Variants in DBF4 observed in about 807,000 individuals in gnomAD.
DBF4 encodes protein DBF4 homolog A.
A neutral mutation model predicts 76.6 loss-of-function variants in DBF4; 25 were observed. That is an observed-to-expected ratio of 0.33 (90% CI 0.24 to 0.46). DBF4 has a LOEUF of 0.46. Ranked by LOEUF, DBF4 falls within the 20% of genes least tolerant of loss-of-function variation. The probability of loss-of-function intolerance (pLI) is 1.00; values close to 1 mark genes in which losing one functional copy is unlikely to be tolerated. For missense variants in DBF4, 638 were observed against 760.8 expected (o/e 0.84, Z 1.90); for synonymous variants, 213 against 258.0 (o/e 0.83, Z 1.67).
Position 87,907,725 on chromosome 7 carries a change from T to C in DBF4, c.1587T>C (p.His529=). ...KEKDLHSIFT[H]DSGLITINSS... ...AGGACCTTCATTCAATATTTACTCA[T>C]GATTCTGGTCTGATAACAATAAACA... is the stretch of plus-strand genomic sequence containing the variant. Residue 529 remains histidine (H), a synonymous_variant, in exon 12 of 12, where the codon CAT becomes CAC. Transcript: ENST00000265728. 6.2e-7 allele frequency: 1 copy of C among 1,614,120 alleles called. No homozygotes were observed. Among genetic ancestry groups the C allele is most frequent in the South Asian group, 1.1e-5 (1 of 91,078 alleles).
At chr7:87,876,905 T>C in intron 1 of DBF4, 127 bp downstream of exon 1, 1 of 1,004,394 alleles carries the variant, frequency 1.0e-6, no homozygotes, top group African/African-American at 1.6e-5. Flanking sequence ...CTCTGGGGTC[T>C]GAAGGAAGGA....
intron 8 of DBF4, among the ~76,000 whole-genome samples, chr7:87,899,156 A>G (rs779247171): frequency 2.7e-4 from 41 of 152,212 alleles, no homozygotes; most frequent in Non-Finnish European, 5.0e-4. Flanking sequence ...GAAAAGCTTC[A>G]TGACATTGGA....
At chr7:87,884,414 G>A (rs1417411490) in intron 2 of DBF4, among the ~76,000 whole-genome samples, 1 of 152,104 alleles carries the variant, frequency 6.6e-6, no homozygotes, top group African/African-American at 2.4e-5. Flanking sequence ...CATTTCAAAT[G>A]CTTTGGTAAG....
At chr7:87,877,928 T>A (rs1839110450) in intron 1 of DBF4, 125 bp from the exon 2 acceptor site, 1 of 800,664 alleles carries the variant, frequency 1.2e-6, no homozygotes, top group Non-Finnish European at 1.9e-6. Flanking sequence ...GAAATACATT[T>A]CAATGCTAAT....
chr7:87,876,587 A>G lies in DBF4; in HGVS notation c.-146A>G, dbSNP rs903279680. 8 of 854,086 alleles carry G rather than the reference A, an allele frequency of 9.4e-6. No individual in the cohort carries two copies. Among genetic ancestry groups the G allele is most frequent in the Non-Finnish European group, 1.5e-5 (8 of 543,332 alleles). 52.9% of individuals were successfully genotyped at this position (854,086 alleles called of 1,614,324 possible). A position where few individuals can be genotyped will look rare whatever the true frequency, so the allele number is the denominator to read the frequency against. ...CCGGCCCCGGAAACCCGACCTGCAG[A>G]CGCGGTACCTCTACTGCGTAGAGGC... On this transcript the variant is annotated 5_prime_UTR_variant, in exon 1 of 12. Coordinates refer to ENST00000265728, the MANE Select transcript of DBF4 (RefSeq NM_006716.4).
At chr7:87,903,014 T>C (rs1839826389) in intron 10 of DBF4, among the ~76,000 whole-genome samples, 1 of 152,322 alleles carries the variant, frequency 6.6e-6, no homozygotes, top group South Asian at 2.1e-4. Flanking sequence ...AGGAACTTTG[T>C]TTCCTGTGAA....
At chr7:87,887,284 C>T (rs756483323) in intron 4 of DBF4, 45 bp from the exon 5 acceptor site, 5 of 1,330,496 alleles carry the variant, frequency 3.8e-6, no homozygotes. Flanking sequence ...TTTAGCTCAT[C>T]TTAAATAATT....
At chr7:87,882,912 A>G (rs2131043608) in intron 2 of DBF4, among the ~76,000 whole-genome samples, 1 of 152,136 alleles carries the variant, frequency 6.6e-6, no homozygotes, top group South Asian at 2.1e-4. Context: ...TGAAAAAAGT[A>G]AAAAATTGAA....
intron 8 of DBF4, 45 bp downstream of exon 8, chr7:87,897,384 A>G (rs1267759047): frequency 6.4e-7 from 1 of 1,572,774 alleles, no homozygotes; most frequent in African/African-American, 1.4e-5. Flanking sequence ...GCAATACTAA[A>G]GAGGAAAATC....
chr7:87,906,863 C>T (rs897101714), intron 11 of DBF4, among the ~76,000 whole-genome samples: 1 of 152,098 alleles, frequency 6.6e-6, no homozygotes, highest in Admixed American at 6.6e-5. Context: ...AATCCCTTTA[C>T]TATCAATTTC....
At chr7:87,900,920 G>A in intron 10 of DBF4, 42 bp downstream of exon 10, 1 of 1,473,650 alleles carries the variant, frequency 6.8e-7, no homozygotes. Flanking sequence ...TTCGAAAACT[G>A]TAATACTTGT....
At chr7:87,897,696 CAG>C (rs1380141024) in intron 8 of DBF4, among the ~76,000 whole-genome samples, 1 of 152,166 alleles carries the variant, frequency 6.6e-6, no homozygotes, top group African/African-American at 2.4e-5. Flanking sequence ...TATTTAGAAA[CAG>C]AAAATCTAAG....
chr7:87,900,141 A>G (rs1839738530), intron 8 of DBF4, 80 bp from the exon 9 acceptor site: 2 of 1,193,472 alleles, frequency 1.7e-6, no homozygotes. Context: ...GCTTAATTAT[A>G]TGATTTTGAA....
At chr7:87,877,613 A>T (rs1419387362) in intron 1 of DBF4, among the ~76,000 whole-genome samples, 1 of 152,246 alleles carries the variant, frequency 6.6e-6, no homozygotes, top group Non-Finnish European at 1.5e-5. Flanking sequence ...AAACTTGAGC[A>T]GTCTGAAACC....
intron 2 of DBF4, 86 bp downstream of exon 2, chr7:87,878,311 GA>G (rs1454319648): frequency 2.8e-6 from 3 of 1,090,292 alleles, no homozygotes; most frequent in Non-Finnish European, 3.9e-6. Flanking sequence ...TTTCATTTTG[GA>G]AAACGCTTCT....
intron 10 of DBF4, among the ~76,000 whole-genome samples, chr7:87,901,283 C>T (rs1338038338): frequency 2.0e-5 from 3 of 152,122 alleles, no homozygotes; most frequent in Admixed American, 6.5e-5. Context: ...GATAAGGTGA[C>T]ATTTGAGTAG....
At chr7:87,888,184 G>T in intron 6 of DBF4, 125 bp downstream of exon 6, 1 of 1,287,906 alleles carries the variant, frequency 7.8e-7, no homozygotes, top group African/African-American at 1.5e-5. Flanking sequence ...GCCTGTTTCT[G>T]TTATTCAAAT....
At chr7:87,904,719 G>T (rs1160656679) in intron 11 of DBF4, among the ~76,000 whole-genome samples, 2 of 151,958 alleles carry the variant, frequency 1.3e-5, no homozygotes, top group African/African-American at 4.8e-5. Flanking sequence ...CTCCAGCCTG[G>T]GTGACAGTGA....
intron 2 of DBF4, among the ~76,000 whole-genome samples, chr7:87,880,403 C>T (rs1562756344): frequency 3.3e-5 from 5 of 152,068 alleles, no homozygotes; most frequent in African/African-American, 4.8e-5. Context: ...TTGGATTTCC[C>T]AAAAATCCAA....
Sources: gnomAD v4.1 joint callset for allele counts (sites outside exome capture counted in the v4.1 genomes callset) on GRCh38, gnomAD v4.1.1 for gene constraint, MANE v1.5 for transcripts, NCBI Gene and HGNC (gene_info 2026-07-23, HGNC 2026-07-21) for gene names.